Variants in FNDC3A observed in about 807,000 individuals in gnomAD.
FNDC3A encodes fibronectin type III domain containing 3A.
A neutral mutation model predicts 148.9 loss-of-function variants in FNDC3A; 32 were observed. The ratio of observed to expected loss-of-function variants is 0.21; its 90% confidence interval spans 0.16 to 0.29. The LOEUF is 0.29. FNDC3A is among the 10% of genes least tolerant of loss of function. The pLI is 1.00. For missense variants in FNDC3A, 1,191 were observed against 1,452.8 expected, an observed-to-expected ratio of 0.82 and a Z score of 2.93; for synonymous variants, 472 against 473.6, an observed-to-expected ratio of 1.00 and a Z score of 0.04.
chr13:49,163,131 A>T (rs865803675), intron 8 of FNDC3A, among the ~76,000 whole-genome samples: 1 of 151,888 alleles, frequency 6.6e-6, no homozygotes, highest in South Asian at 2.1e-4. Flanking sequence ...CGGATCTCAA[A>T]CTCCGTGCTG....
At chr13:49,029,704 T>C (rs546433849) in intron 2 of FNDC3A, among the ~76,000 whole-genome samples, 37 of 152,294 alleles carry the variant, frequency 2.4e-4, no homozygotes, top group African/African-American at 8.7e-4. Flanking sequence ...GGTGCAGTGG[T>C]GAGCATAGCT....
At chr13:49,110,965 A>C (rs1326964680) in intron 3 of FNDC3A, among the ~76,000 whole-genome samples, 3 of 152,170 alleles carry the variant, frequency 2.0e-5, no homozygotes, top group Non-Finnish European at 4.4e-5. Context: ...TTGAAATAGG[A>C]AATGTATCCT....
chr13:48,991,908 A>T (rs924237329), intron 1 of FNDC3A, among the ~76,000 whole-genome samples: 3 of 152,220 alleles, frequency 2.0e-5, no homozygotes, highest in Non-Finnish European at 4.4e-5. Flanking sequence ...TTACATTATC[A>T]TATGGTTGAT....
chr13:49,049,871 C>T (rs1875707262), intron 2 of FNDC3A, among the ~76,000 whole-genome samples: 1 of 152,062 alleles, frequency 6.6e-6, no homozygotes, highest in African/African-American at 2.4e-5. Context: ...AGGCATGTGC[C>T]ACTATGCCCG....
Position 49,138,785 on chromosome 13 carries a change from T to C in FNDC3A, c.799T>C (p.Ser267Pro). Residue 267 changes from serine (S) to proline (P), a missense_variant, in exon 7 of 26, where the codon TCC (serine) becomes CCC (proline). This residue lies in a region of FNDC3A where 426 missense variants were observed against 473.2 expected (regional missense o/e 0.90). Coordinates refer to ENST00000492622, the MANE Select transcript of FNDC3A (RefSeq NM_001079673.2). ...EETKAFEALL[S>P]NIVKPVASDI... Reference sequence around the variant, plus strand: ...AACTAAAGCATTTGAAGCACTTCTTTCCAACATTGTCAAACCAGTGGTAAG... The same window carrying C: ...AACTAAAGCATTTGAAGCACTTCTTCCCAACATTGTCAAACCAGTGGTAAG... 1 of 1,509,612 alleles carries C rather than the reference T, an allele frequency of 6.6e-7. No individual in the cohort carries two copies. The highest frequency in any genetic ancestry group is 9.1e-7 in the Non-Finnish European group (1 of 1,100,644). 93.5% of individuals were successfully genotyped at this position (1,509,612 alleles called of 1,614,324 possible).
chr13:49,205,624 G>A (rs1886611420), intron 25 of FNDC3A, among the ~76,000 whole-genome samples: 1 of 151,992 alleles, frequency 6.6e-6, no homozygotes, highest in South Asian at 2.1e-4. Flanking sequence ...AAATGCTTCT[G>A]GTTCCAAGCA....
Position 49,075,938 on chromosome 13 carries a change from C to T in FNDC3A, c.175+574C>T, listed in dbSNP as rs1239897359. On this transcript the variant is annotated intron_variant, in intron 3 of 25. Transcript: ENST00000492622. ...TCCTTAGTACTGTTGACTTTTGGGT[C>T]AGGCAGTTCTTTGGTCAGCGGGACT... 2.0e-5 allele frequency among the ~76,000 whole-genome samples: 3 copies of T among 151,760 alleles called. 1 individual carries two copies. Among genetic ancestry groups the T allele is most frequent in the South Asian group, 4.2e-4 (2 of 4,802 alleles).
intron 15 of FNDC3A, 125 bp from the exon 16 acceptor site, chr13:49,186,997 G>T (rs1481905955): frequency 1.7e-6 from 1 of 592,526 alleles, no homozygotes; most frequent in African/African-American, 1.9e-5. Flanking sequence ...TTGGGTACTG[G>T]TATTAAGTCA....
At chr13:49,016,757 C>G (rs1312718100) in intron 2 of FNDC3A, among the ~76,000 whole-genome samples, 1 of 152,152 alleles carries the variant, frequency 6.6e-6, no homozygotes, top group East Asian at 1.9e-4. Flanking sequence ...AAATTTCCCT[C>G]TACACACTGC....
chr13:49,077,259 C>T (rs148404868), intron 3 of FNDC3A, among the ~76,000 whole-genome samples: 69 of 152,256 alleles, frequency 4.5e-4, no homozygotes, highest in African/African-American at 1.6e-3. Flanking sequence ...GGCGATAAAG[C>T]GAGACCCTGT....
Position 49,114,657 on chromosome 13 carries a change from C to T in FNDC3A, c.178C>T (p.Pro60Ser). 6.2e-7 allele frequency: 1 copy of T among 1,609,708 alleles called. No individual in the cohort carries two copies. The highest frequency in any genetic ancestry group is 8.5e-7 in the Non-Finnish European group (1 of 1,176,076). The change falls in exon 4 of 26, where the codon CCT becomes TCT. Residue 60 changes from proline to serine, a missense_variant and splice_region_variant. By Grantham distance (74) the Pro-to-Ser change is moderately conservative. Around this residue, in one of 3 missense-constraint regions of FNDC3A, gnomAD observed 426 missense variants for 473.2 expected, o/e 0.90. Coordinates refer to ENST00000492622, the MANE Select transcript of FNDC3A (RefSeq NM_001079673.2). ...EDGQFQCITG[P>S]AQVPMMSPNG... is the part of the protein sequence containing the mutation. ...CATCATTTATGTGACCCATTCAGGT[C>T]CTGCTCAGGTTCCAATGATGTCCCC...
chr13:49,135,405 G>A (rs983073327), intron 5 of FNDC3A, among the ~76,000 whole-genome samples: 3 of 151,810 alleles, frequency 2.0e-5, no homozygotes, highest in East Asian at 1.9e-4. Context: ...TTGGTGTCTC[G>A]TCTAAGAAAC....
chr13:49,134,396 G>C (rs886502338), intron 5 of FNDC3A, among the ~76,000 whole-genome samples: 1 of 151,998 alleles, frequency 6.6e-6, no homozygotes, highest in Non-Finnish European at 1.5e-5. Context: ...TTTTATGGCT[G>C]CAATAATATT....
intron 4 of FNDC3A, among the ~76,000 whole-genome samples, chr13:49,126,388 C>T (rs754692423): frequency 1.3e-5 from 2 of 152,116 alleles, no homozygotes; most frequent in Non-Finnish European, 2.9e-5. Flanking sequence ...CAGCTCCACC[C>T]TCCATCCACA....
intron 8 of FNDC3A, among the ~76,000 whole-genome samples, chr13:49,165,656 C>T (rs571591520): frequency 2.6e-5 from 4 of 152,160 alleles, no homozygotes; most frequent in Admixed American, 2.0e-4. Flanking sequence ...GGCCTCTAGG[C>T]AGCTTGCTCA....
chr13:49,116,256 G>A (rs1000018539), intron 4 of FNDC3A, among the ~76,000 whole-genome samples: 13 of 152,106 alleles, frequency 8.5e-5, no homozygotes, highest in Middle Eastern at 3.4e-3. Flanking sequence ...TTGGGCTTTC[G>A]TGGCATATTA....
intron 3 of FNDC3A, among the ~76,000 whole-genome samples, chr13:49,093,762 T>G (rs1435421923): frequency 6.6e-6 from 1 of 152,198 alleles, no homozygotes; most frequent in Non-Finnish European, 1.5e-5. Flanking sequence ...ATTTCAAAAT[T>G]GAATGCTGAA....
chr13:49,174,991 A>G (rs988720116), intron 12 of FNDC3A, among the ~76,000 whole-genome samples: 16 of 150,486 alleles, frequency 1.1e-4, no homozygotes, highest in African/African-American at 3.9e-4. Context: ...GCGTTTAATT[A>G]CACAACTGAG....
chr13:49,168,832 TG>T, intron 10 of FNDC3A, 81 bp downstream of exon 10: 1 of 1,314,212 alleles, frequency 7.6e-7, no homozygotes, highest in Non-Finnish European at 1.1e-6. Context: ...CAATTGTTGC[TG>T]GAGACAAAGA....
Sources: gnomAD v4.1 joint callset for allele counts (sites outside exome capture counted in the v4.1 genomes callset) on GRCh38, gnomAD v4.1.1 for gene constraint, gnomAD v4.1.1 regional missense constraint, MANE v1.5 for transcripts, NCBI Gene and HGNC (gene_info 2026-07-23, HGNC 2026-07-21) for gene names.